Variants in PLCXD3 observed in about 807,000 individuals in gnomAD.
PLCXD3 encodes the protein PI-PLC X domain-containing protein 3.
A neutral mutation model predicts 25.5 loss-of-function variants in PLCXD3; 19 were observed. The observed-to-expected ratio is 0.75, with a 90% confidence interval of 0.52 to 1.09. PLCXD3 has a LOEUF of 1.09. Among genes scored for constraint, PLCXD3 ranks in the 50% least tolerant of loss-of-function variants. The pLI, the probability that PLCXD3 is intolerant of heterozygous loss-of-function variation, is 0.00. For missense variants in PLCXD3, 411 were observed against 388.1 expected, an observed-to-expected ratio of 1.06 and a Z score of -0.50; for synonymous variants, 174 against 137.6, an observed-to-expected ratio of 1.26 and a Z score of -1.85.
At chr5:41,439,161 C>T (rs1465744673) in intron 1 of PLCXD3, among the ~76,000 whole-genome samples, 1 of 152,102 alleles carries the variant, frequency 6.6e-6, no homozygotes, top group African/African-American at 2.4e-5. Flanking sequence ...ATCCAAAGCA[C>T]ATTTTAATTT....
At chr5:41,362,926 G>A (rs1051508014) in intron 2 of PLCXD3, among the ~76,000 whole-genome samples, 3 of 152,048 alleles carry the variant, frequency 2.0e-5, no homozygotes, top group African/African-American at 7.2e-5. Context: ...TTCCTGTTTC[G>A]GTAATAATTC....
At chr5:41,348,255 A>G (rs1744357052) in intron 2 of PLCXD3, among the ~76,000 whole-genome samples, 1 of 152,138 alleles carries the variant, frequency 6.6e-6, no homozygotes, top group African/African-American at 2.4e-5. Flanking sequence ...TTCTAAATGG[A>G]CCCTAATGTA....
At chr5:41,406,568 T>C (rs530375091) in intron 1 of PLCXD3, among the ~76,000 whole-genome samples, 1 of 152,276 alleles carries the variant, frequency 6.6e-6, no homozygotes, top group South Asian at 2.1e-4. Flanking sequence ...AGTCTTGAAG[T>C]TGTACTGTGT....
intron 1 of PLCXD3, among the ~76,000 whole-genome samples, chr5:41,388,646 C>G (rs923803748): frequency 6.6e-6 from 1 of 151,842 alleles, no homozygotes; most frequent in South Asian, 2.1e-4. Flanking sequence ...TAAAAAAGGA[C>G]CAGACTAAAG....
At chr5:41,451,813 T>G (rs1444898481) in intron 1 of PLCXD3, among the ~76,000 whole-genome samples, 1 of 151,916 alleles carries the variant, frequency 6.6e-6, no homozygotes, top group Admixed American at 6.6e-5. Flanking sequence ...CAGAGAGCAA[T>G]TTTCTTTAAA....
chr5:41,307,385 C>T lies in PLCXD3; in HGVS notation c.*6232G>A, dbSNP rs549564086. Reference sequence around the variant, plus strand: ...TCTGTCAAGGATTCACTGTTGGAAACAGTAGTATTTGAAAGCTAGAATTTA... The same window carrying T: ...TCTGTCAAGGATTCACTGTTGGAAATAGTAGTATTTGAAAGCTAGAATTTA... On this transcript the variant is annotated 3_prime_UTR_variant, in exon 3 of 3. Coordinates refer to ENST00000377801, the MANE Select transcript of PLCXD3 (RefSeq NM_001005473.3). 3 of 152,678 alleles carry T rather than the reference C, an allele frequency of 2.0e-5. No homozygotes were observed. The highest frequency in any genetic ancestry group is 4.8e-5 in the African/African-American group (2 of 41,542). The allele number at this position is 152,678 out of a possible 1,614,324, so 9.5% of individuals were successfully genotyped here. A position where few individuals can be genotyped will look rare whatever the true frequency, so the allele number is the denominator to read the frequency against.
At chr5:41,395,054 A>G (rs975948784) in intron 1 of PLCXD3, among the ~76,000 whole-genome samples, 1 of 152,168 alleles carries the variant, frequency 6.6e-6, no homozygotes, top group African/African-American at 2.4e-5. Context: ...TATATTATCA[A>G]GAATATATCA....
At chr5:41,377,131 T>A (rs1745319697) in intron 2 of PLCXD3, among the ~76,000 whole-genome samples, 1 of 152,124 alleles carries the variant, frequency 6.6e-6, no homozygotes, top group African/African-American at 2.4e-5. Flanking sequence ...AAATTCTGAA[T>A]CCACCTTTTC....
At chr5:41,331,184 T>C (rs1416181023) in intron 2 of PLCXD3, among the ~76,000 whole-genome samples, 1 of 152,184 alleles carries the variant, frequency 6.6e-6, no homozygotes, top group Admixed American at 6.5e-5. Flanking sequence ...CATGATTGTA[T>C]ATCTAGAAAA....
intron 2 of PLCXD3, among the ~76,000 whole-genome samples, chr5:41,378,053 A>G (rs558480275): frequency 6.6e-6 from 1 of 152,216 alleles, no homozygotes; most frequent in East Asian, 1.9e-4. Context: ...AGCGAGGACA[A>G]TGTCAGAATC....
At chr5:41,473,067 C>A in intron 1 of PLCXD3, among the ~76,000 whole-genome samples, 1 of 151,818 alleles carries the variant, frequency 6.6e-6, no homozygotes, top group East Asian at 1.9e-4. Context: ...AAGTGTTCTA[C>A]TTTCTAGAGC....
At chr5:41,479,763 T>C (rs573152063) in intron 1 of PLCXD3, among the ~76,000 whole-genome samples, 55 of 152,184 alleles carry the variant, frequency 3.6e-4, no homozygotes, top group Middle Eastern at 3.4e-3. Flanking sequence ...GCATAGACTT[T>C]AAAAACATTT....
At chr5:41,442,763 C>T (rs553864172) in intron 1 of PLCXD3, among the ~76,000 whole-genome samples, 2 of 152,220 alleles carry the variant, frequency 1.3e-5, no homozygotes, top group African/African-American at 2.4e-5. Context: ...TTAGCTAGCC[C>T]TTAATCCCTT....
chr5:41,340,559 G>A (rs1160583701), intron 2 of PLCXD3, among the ~76,000 whole-genome samples: 2 of 152,082 alleles, frequency 1.3e-5, no homozygotes, highest in Non-Finnish European at 2.9e-5. Flanking sequence ...GCTAGACAAT[G>A]ACACTAGAGA....
At position 41,510,192 on chromosome 5, in the gene PLCXD3, C is replaced by T. The variant is rs1255341256; in HGVS notation, c.103+232G>A. On this transcript the variant is annotated intron_variant, in intron 1 of 2. Transcript: ENST00000377801. ...CTCCGCATACAACCTGCTTCAAAAG[C>T]CCAGGAGAAAAGCAGTCACCTTGAC... 2.6e-5 allele frequency among the ~76,000 whole-genome samples: 4 copies of T among 152,180 alleles called. No individual in the cohort carries two copies. The South Asian group carries it at 8.3e-4, about 31-fold the overall frequency.
intron 1 of PLCXD3, among the ~76,000 whole-genome samples, chr5:41,405,796 T>A (rs1222010158): frequency 6.6e-6 from 1 of 152,132 alleles, no homozygotes; most frequent in Non-Finnish European, 1.5e-5. Context: ...TTGTTTTGTT[T>A]ACCATTTCCA....
intron 2 of PLCXD3, among the ~76,000 whole-genome samples, chr5:41,341,660 T>C (rs948575224): frequency 1.3e-5 from 2 of 152,094 alleles, no homozygotes; most frequent in Non-Finnish European, 2.9e-5. Flanking sequence ...ATCATTCCTC[T>C]ACCTTATAAA....
intron 1 of PLCXD3, among the ~76,000 whole-genome samples, chr5:41,509,659 GTTCC>G (rs1738987470): frequency 6.6e-6 from 1 of 152,182 alleles, no homozygotes; most frequent in Non-Finnish European, 1.5e-5. Context: ...GGTCACGCAG[GTTCC>G]CCTGCCCAGC....
At chr5:41,482,635 G>A (rs1056124248) in intron 1 of PLCXD3, among the ~76,000 whole-genome samples, 1 of 152,210 alleles carries the variant, frequency 6.6e-6, no homozygotes, top group Non-Finnish European at 1.5e-5. Context: ...GTAGCTGGAA[G>A]CAAAGTTAAA....
Sources: allele counts gnomAD v4.1 joint callset (sites outside exome capture counted in the v4.1 genomes callset), GRCh38; gene constraint gnomAD v4.1.1; transcripts MANE v1.5; gene names NCBI Gene and HGNC (gene_info 2026-07-23, HGNC 2026-07-21).